The following TM9SF4 variants were observed in gnomAD, a reference collection of about 807,000 sequenced individuals.
TM9SF4 encodes transmembrane 9 superfamily member 4.
TM9SF4 carries 26 observed loss-of-function variants against 90.4 expected under a neutral mutation model. The observed-to-expected ratio is 0.29, with a 90% CI of 0.21 to 0.40. The LOEUF (loss-of-function observed/expected upper bound fraction) is 0.40, where lower values mean the gene tolerates loss of function less well. TM9SF4 is among the 10% of genes least tolerant of loss of function. The probability of loss-of-function intolerance (pLI) is 1.00; values close to 1 mark genes in which losing one functional copy is unlikely to be tolerated. For missense variants in TM9SF4, 549 were observed against 834.8 expected (o/e 0.66, Z 4.22); for synonymous variants, 293 against 315.4 (o/e 0.93, Z 0.75).
chr20:32,140,396 C>A (rs1361351161), intron 3 of TM9SF4, among the ~76,000 whole-genome samples: 2 of 152,180 alleles, frequency 1.3e-5, no homozygotes, highest in Non-Finnish European at 2.9e-5. Flanking sequence ...TCACCCCACT[C>A]CCCTCCCTGC....
chr20:32,127,609 G>A (rs1270291990), intron 1 of TM9SF4, among the ~76,000 whole-genome samples: 4 of 152,270 alleles, frequency 2.6e-5, no homozygotes, highest in Non-Finnish European at 5.9e-5. Flanking sequence ...TTGTTTTCCT[G>A]TTCGGGCATT....
intron 13 of TM9SF4, among the ~76,000 whole-genome samples, chr20:32,157,095 C>T (rs918088525): frequency 6.6e-6 from 1 of 151,822 alleles, no homozygotes; most frequent in Admixed American, 6.6e-5. Flanking sequence ...TTACAGGTGC[C>T]CCCCACAGTG....
Position 32,123,866 on chromosome 20 carries a change from A to ATATATATATATTTTTTTTT in TM9SF4, c.16-9146_16-9145insATATATATATTTTTTTTTT. On this transcript the variant is annotated intron_variant, in intron 1 of 17. Coordinates refer to ENST00000398022, the MANE Select transcript of TM9SF4 (RefSeq NM_014742.4). ...CTCTCATATATATATATATATATAT[A>ATATATATATATTTTTTTTT]TTTTTTTTTTTAAAGAGATAGGGTC... Among the ~76,000 whole-genome samples, 929 of 93,750 alleles carry ATATATATATATTTTTTTTT rather than the reference A, an allele frequency of 9.9e-3. 6 individuals carry two copies. Among genetic ancestry groups the ATATATATATATTTTTTTTT allele is most frequent in the East Asian group, 0.015 (21 of 1,356 alleles). 61.5% of individuals were successfully genotyped at this position (93,750 alleles called of 152,430 possible).
intron 1 of TM9SF4, chr20:32,116,173 C>CGG (rs1324753718): frequency 1.3e-5 from 2 of 152,092 alleles, no homozygotes; most frequent in African/African-American, 4.8e-5. Context: ...TACGTTTACA[C>CGG]ATATGCAGCT....
intron 1 of TM9SF4, among the ~76,000 whole-genome samples, chr20:32,119,965 A>G (rs1172060487): frequency 6.6e-6 from 1 of 152,190 alleles, no homozygotes; most frequent in Non-Finnish European, 1.5e-5. Flanking sequence ...TCAATTTAGT[A>G]TAAATGTAAA....
intron 1 of TM9SF4, among the ~76,000 whole-genome samples, chr20:32,114,244 A>C (rs2046189285): frequency 6.6e-6 from 1 of 152,248 alleles, no homozygotes; most frequent in Non-Finnish European, 1.5e-5. Context: ...GGAATGGAAT[A>C]AATGACATCA....
chr20:32,148,371 A>G (rs1046758480), intron 9 of TM9SF4, among the ~76,000 whole-genome samples: 1 of 152,088 alleles, frequency 6.6e-6, no homozygotes, highest in African/African-American at 2.4e-5. Flanking sequence ...CATACCACCC[A>G]TGGAAGTATA....
At chr20:32,123,866 A>ATATATATATTTATTTTTTTTTTT in intron 1 of TM9SF4, among the ~76,000 whole-genome samples, 1 of 93,980 alleles carries the variant, frequency 1.1e-5, no homozygotes, top group Non-Finnish European at 2.0e-5. Context: ...ATATATATAT[A>ATATATATATTTATTTTTTTTTTT]TTTTTTTTTT....
intron 16 of TM9SF4, 38 bp downstream of exon 16, chr20:32,160,149 C>T: frequency 6.2e-7 from 1 of 1,613,250 alleles, no homozygotes; most frequent in Admixed American, 1.7e-5. Context: ...GGAGGGAGAA[C>T]TGGATCCAGC....
intron 1 of TM9SF4, among the ~76,000 whole-genome samples, chr20:32,123,867 T>TATATATATATATATATATATATATA (rs1555882288): frequency 4.2e-5 from 2 of 48,018 alleles, no homozygotes; most frequent in African/African-American, 8.1e-5. Flanking sequence ...TATATATATA[T>TATATATATATATATATATATATATA]TTTTTTTTTT....
At chr20:32,146,227 T>C (rs1038366667) in intron 8 of TM9SF4, among the ~76,000 whole-genome samples, 3 of 152,126 alleles carry the variant, frequency 2.0e-5, no homozygotes, top group Non-Finnish European at 2.9e-5. Context: ...TCTTAACCAC[T>C]ACAGTGCTGC....
At chr20:32,147,096 C>T (rs1252854254) in intron 9 of TM9SF4, among the ~76,000 whole-genome samples, 1 of 151,636 alleles carries the variant, frequency 6.6e-6, no homozygotes, top group Non-Finnish European at 1.5e-5. Flanking sequence ...TTCCCCACCT[C>T]AACCTCCCGA....
At chr20:32,160,175 G>A (rs1447534304) in intron 16 of TM9SF4, 64 bp downstream of exon 16, 1 of 1,608,518 alleles carries the variant, frequency 6.2e-7, no homozygotes, top group African/African-American at 1.3e-5. Flanking sequence ...ACGGGTTGAT[G>A]AGGCTCTGCG....
chr20:32,128,961 C>T (rs2046468615), intron 1 of TM9SF4, among the ~76,000 whole-genome samples: 1 of 152,042 alleles, frequency 6.6e-6, no homozygotes, highest in African/African-American at 2.4e-5. Context: ...ACTCTAACCT[C>T]AGTGTTCAGA....
In TM9SF4 at chr20:32,153,076, A is replaced by C. The variant is rs553429090; in HGVS notation, c.1246-2027A>C. On this transcript the variant is annotated intron_variant, in intron 12 of 17. Transcript: ENST00000398022. ...TTTCAGATGAAGGGACGCAGCCAGC[A>C]GTGGGGCCTAAGGTTCTGGAATGGC... 1.1e-4 allele frequency among the ~76,000 whole-genome samples: 16 copies of C among 152,322 alleles called. No homozygotes were observed. The East Asian group carries it at 3.1e-3, about 29-fold the overall frequency.
At chr20:32,145,276 G>T (rs780237593) in intron 7 of TM9SF4, 36 bp from the exon 8 acceptor site, 1 of 1,612,406 alleles carries the variant, frequency 6.2e-7, no homozygotes, top group Non-Finnish European at 8.5e-7. Context: ...TCTCCAGCAG[G>T]ATGCCTGACT....
chr20:32,153,932 G>A (rs564781778), intron 12 of TM9SF4, among the ~76,000 whole-genome samples: 24 of 152,290 alleles, frequency 1.6e-4, no homozygotes, highest in African/African-American at 4.8e-4. Flanking sequence ...GCTGGGTGAC[G>A]TGGAGGTGGT....
chr20:32,129,715 G>A (rs1204818309), intron 1 of TM9SF4, among the ~76,000 whole-genome samples: 2 of 151,304 alleles, frequency 1.3e-5, no homozygotes, highest in Non-Finnish European at 1.5e-5. Context: ...CTCCCAAGTA[G>A]CTGGGATTAC....
chr20:32,155,297 C>G, intron 13 of TM9SF4, 111 bp downstream of exon 13: 1 of 942,840 alleles, frequency 1.1e-6, no homozygotes, highest in Non-Finnish European at 1.7e-6. Context: ...TTCTGAGTCC[C>G]CAGAGTTACG....
Sources: gnomAD v4.1 joint callset for allele counts (sites outside exome capture counted in the v4.1 genomes callset) on GRCh38, gnomAD v4.1.1 for gene constraint, MANE v1.5 for transcripts, NCBI Gene and HGNC (gene_info 2026-07-23, HGNC 2026-07-21) for gene names.